The following TRIO variants were observed in gnomAD, a reference collection of about 807,000 sequenced individuals.
The protein encoded by TRIO is triple functional domain protein.
TRIO carries 58 observed loss-of-function variants against 351.9 expected under a neutral mutation model. The observed-to-expected ratio is 0.16, with a 90% confidence interval of 0.13 to 0.21. The LOEUF (loss-of-function observed/expected upper bound fraction) is 0.21, where lower values mean the gene tolerates loss of function less well. Among genes scored for constraint, TRIO ranks in the 10% least tolerant of loss-of-function variants. The pLI, the probability that TRIO is intolerant of heterozygous loss-of-function variation, is 1.00. For synonymous variants in TRIO, 1,758 were observed against 1,595.7 expected, an observed-to-expected ratio of 1.10 and a Z score of -2.42; for missense variants, 3,201 against 4,027.8, an observed-to-expected ratio of 0.79 and a Z score of 5.56.
At chr5:14,323,665 C>T (rs145407194) in intron 9 of TRIO, among the ~76,000 whole-genome samples, 81 of 152,320 alleles carry the variant, frequency 5.3e-4, no homozygotes, top group African/African-American at 1.9e-3. Context: ...GTGAATAATG[C>T]GGTCTGGGGT....
At chr5:14,151,408 GTA>G (rs1185908769) in intron 1 of TRIO, among the ~76,000 whole-genome samples, 6 of 142,422 alleles carry the variant, frequency 4.2e-5, no homozygotes, top group Admixed American at 7.1e-5. Flanking sequence ...GTGTGTGTGT[GTA>G]TGTATGTATG....
chr5:14,369,451 C>T lies in TRIO; in HGVS notation c.3144C>T (p.Gly1048=), dbSNP rs1268564333. ...GGTGTGGCGGGGCGGATAAGCTGGG[C>T]CCAAACTCTGAGACGGACCACGTGA... The part of the protein sequence containing the change: ...EDWCGGADKL[G]PNSETDHVTP... The change falls in exon 18 of 57, where the codon GGC becomes GGT. Residue 1048 remains glycine, a synonymous_variant. Transcript: ENST00000344204. 1 of 1,614,056 alleles carries T rather than the reference C, an allele frequency of 6.2e-7. No individual in the cohort carries two copies. The highest frequency in any genetic ancestry group is 8.5e-7 in the Non-Finnish European group (1 of 1,179,994).
At chr5:14,238,626 A>G (rs992016117) in intron 1 of TRIO, among the ~76,000 whole-genome samples, 1 of 152,266 alleles carries the variant, frequency 6.6e-6, no homozygotes, top group East Asian at 1.9e-4. Flanking sequence ...AAGAGAATTC[A>G]GTGTTAATGT....
At position 14,502,210 on chromosome 5, in the gene TRIO, C is replaced by G. The variant is rs144360317; in HGVS notation, c.8333-369C>G. On this transcript the variant is annotated intron_variant, in intron 53 of 56. Coordinates refer to ENST00000344204, the MANE Select transcript of TRIO (RefSeq NM_007118.4). Reference sequence around the variant, plus strand: ...GGAGGACCATCTGTAGCAGTGCTGTCCAATAGAAGCAAAAAGAGGCCACAT... The same window carrying G: ...GGAGGACCATCTGTAGCAGTGCTGTGCAATAGAAGCAAAAAGAGGCCACAT... Among the ~76,000 whole-genome samples, 287 of 151,886 alleles carry G rather than the reference C, an allele frequency of 1.9e-3. 1 individual carries two copies. Among genetic ancestry groups the G allele is most frequent in the African/African-American group, 6.8e-3 (281 of 41,420 alleles).
In TRIO at chr5:14,421,494, C is replaced by G. The variant is rs1407825263; in HGVS notation, c.5203+1473C>G. On this transcript the variant is annotated intron_variant, in intron 34 of 56. Coordinates refer to ENST00000344204, the MANE Select transcript of TRIO (RefSeq NM_007118.4). ...CGGCAGACGCCTGTAATCCCAGCTA[C>G]TCGAGAGGCTGAGGCAGGAAAATCG... Among the ~76,000 whole-genome samples, 3 of 151,160 alleles carry G rather than the reference C, an allele frequency of 2.0e-5. No homozygotes were observed. The East Asian group carries it at 5.8e-4, about 29-fold the overall frequency.
chr5:14,235,221 T>C (rs1414749197), intron 1 of TRIO, among the ~76,000 whole-genome samples: 1 of 152,236 alleles, frequency 6.6e-6, no homozygotes, highest in African/African-American at 2.4e-5. Context: ...ATGAAATATT[T>C]CTTTTCAGAT....
intron 48 of TRIO, among the ~76,000 whole-genome samples, chr5:14,491,483 A>G (rs1756479182): frequency 6.6e-6 from 1 of 152,170 alleles, no homozygotes; most frequent in Non-Finnish European, 1.5e-5. Flanking sequence ...AACTTGATAG[A>G]GGGGACTTGG....
chr5:14,401,179 G>A, intron 31 of TRIO, 115 bp downstream of exon 31: 1 of 879,898 alleles, frequency 1.1e-6, no homozygotes, highest in South Asian at 1.8e-5. Context: ...TTGTGTGTGT[G>A]TGTTCTATTC....
At position 14,496,785 on chromosome 5, in the gene TRIO, T is replaced by TA. The variant is rs1579832043; in HGVS notation, c.7881-93dup. The TA allele has an allele frequency of 4.6e-6, 7 of 1,519,140 alleles. No homozygotes were observed. The East Asian group carries it at 1.6e-4, about 35-fold the overall frequency. 94.1% of individuals were successfully genotyped at this position (1,519,140 alleles called of 1,614,324 possible). On this transcript the variant is annotated intron_variant, in intron 49 of 56. Transcript: ENST00000344204. Reference sequence around the variant, plus strand: ...GATTTCCCATCCCCCTGCACACACATACGTTGAATATTCAGCTTTTCTTTA... The same window carrying TA: ...GATTTCCCATCCCCCTGCACACACATAACGTTGAATATTCAGCTTTTCTTTA...
intron 1 of TRIO, among the ~76,000 whole-genome samples, chr5:14,161,226 C>A (rs1264117131): frequency 6.6e-6 from 1 of 152,134 alleles, no homozygotes; most frequent in Non-Finnish European, 1.5e-5. Flanking sequence ...TTCTTAGTTG[C>A]AGATCAGTCT....
chr5:14,204,343 G>C (rs562150267), intron 1 of TRIO, among the ~76,000 whole-genome samples: 6 of 152,266 alleles, frequency 3.9e-5, no homozygotes, highest in African/African-American at 1.4e-4. Context: ...AGAGAGAAAG[G>C]GGAGTTCTTT....
intron 8 of TRIO, among the ~76,000 whole-genome samples, chr5:14,309,508 A>T (rs547782213): frequency 6.6e-6 from 1 of 152,314 alleles, no homozygotes; most frequent in South Asian, 2.1e-4. Flanking sequence ...TTTATTTTAT[A>T]TTCCTAAATC....
intron 1 of TRIO, among the ~76,000 whole-genome samples, chr5:14,233,483 C>G (rs533890049): frequency 2.6e-5 from 4 of 151,956 alleles, no homozygotes; most frequent in South Asian, 2.1e-4. Context: ...GAATGAGACT[C>G]TCTGTCAAAA....
intron 33 of TRIO, among the ~76,000 whole-genome samples, chr5:14,409,609 C>A (rs1473447712): frequency 6.6e-6 from 1 of 151,940 alleles, no homozygotes; most frequent in Non-Finnish European, 1.5e-5. Context: ...CCAAGGCGGG[C>A]AGATCACGAG....
At chr5:14,436,797 G>A (rs1265278778) in intron 34 of TRIO, among the ~76,000 whole-genome samples, 2 of 152,176 alleles carry the variant, frequency 1.3e-5, no homozygotes, top group South Asian at 2.1e-4. Flanking sequence ...TCCAGGTCAC[G>A]CTGATAGGTG....
chr5:14,390,018 A>G (rs1746906990), intron 25 of TRIO, among the ~76,000 whole-genome samples: 1 of 152,178 alleles, frequency 6.6e-6, no homozygotes, highest in Non-Finnish European at 1.5e-5. Flanking sequence ...TGCTCAGTGA[A>G]CACACTAGCA....
At chr5:14,372,261 A>AT (rs1370063941) in intron 18 of TRIO, among the ~76,000 whole-genome samples, 4 of 148,414 alleles carry the variant, frequency 2.7e-5, no homozygotes, top group Non-Finnish European at 4.5e-5. Context: ...TGTGAGAGAG[A>AT]GAGAGAGAGA....
chr5:14,460,857 G>A (rs1753727432), intron 34 of TRIO, among the ~76,000 whole-genome samples, 162 bp from the exon 35 acceptor site: 1 of 152,168 alleles, frequency 6.6e-6, no homozygotes, highest in Non-Finnish European at 1.5e-5. Flanking sequence ...AAGAGAGTGC[G>A]TGTAAAGCAT....
At chr5:14,311,892 T>A (rs1030475485) in intron 8 of TRIO, among the ~76,000 whole-genome samples, 4 of 152,246 alleles carry the variant, frequency 2.6e-5, no homozygotes, top group Non-Finnish European at 5.9e-5. Context: ...GTATTTTGCC[T>A]GTTTTTGTTG....
Sources: allele counts gnomAD v4.1 joint callset (sites outside exome capture counted in the v4.1 genomes callset), GRCh38; gene constraint gnomAD v4.1.1; transcripts MANE v1.5; gene names NCBI Gene and HGNC (gene_info 2026-07-23, HGNC 2026-07-21).